ANO3: variants seen among roughly 807,000 people sequenced by gnomAD.
The protein encoded by ANO3 is anoctamin-3.
A neutral mutation model predicts 144.8 loss-of-function variants in ANO3; 99 were observed. That is an observed-to-expected ratio of 0.68 (90% CI 0.58 to 0.81). The LOEUF (loss-of-function observed/expected upper bound fraction) is 0.81, where lower values mean the gene tolerates loss of function less well. Ranked by LOEUF, ANO3 falls within the 30% of genes least tolerant of loss-of-function variation. The pLI is 0.00. For synonymous variants in ANO3, 414 were observed against 392.6 expected, an observed-to-expected ratio of 1.05 and a Z score of -0.64; for missense variants, 905 against 1,202.2, an observed-to-expected ratio of 0.75 and a Z score of 3.66.
chr11:26,557,055 A>C (rs189432786), intron 13 of ANO3, among the ~76,000 whole-genome samples: 3 of 152,128 alleles, frequency 2.0e-5, no homozygotes, highest in East Asian at 3.9e-4. Flanking sequence ...TTGTAGTCAC[A>C]CTCAGTTCTT....
At chr11:26,628,035 A>T (rs1427042546) in intron 18 of ANO3, among the ~76,000 whole-genome samples, 1 of 152,172 alleles carries the variant, frequency 6.6e-6, no homozygotes, top group Non-Finnish European at 1.5e-5. Flanking sequence ...AGCAAAAGAG[A>T]TAAAGCTTAA....
intron 1 of ANO3, among the ~76,000 whole-genome samples, chr11:26,199,809 A>C (rs910343970): frequency 2.2e-4 from 33 of 152,108 alleles, no homozygotes; most frequent in African/African-American, 8.0e-4. Flanking sequence ...TTCCTTATGG[A>C]AACAGTGGCC....
At chr11:26,470,785 A>G (rs968165837) in intron 4 of ANO3, among the ~76,000 whole-genome samples, 4 of 152,004 alleles carry the variant, frequency 2.6e-5, no homozygotes, top group African/African-American at 9.7e-5. Flanking sequence ...CAAAGGACAT[A>G]AAACTTAAGT....
intron 1 of ANO3, among the ~76,000 whole-genome samples, chr11:26,429,996 G>A (rs1005024342): frequency 4.6e-5 from 7 of 152,092 alleles, no homozygotes; most frequent in Admixed American, 6.5e-5. Flanking sequence ...TCAGCCCTTC[G>A]GGAGGCCAAA....
chr11:26,268,923 A>T (rs547608287), intron 1 of ANO3, among the ~76,000 whole-genome samples: 98 of 152,300 alleles, frequency 6.4e-4, no homozygotes, highest in Non-Finnish European at 9.7e-4. Context: ...AAGGAAAAAA[A>T]AATCACTCCA....
chr11:26,418,125 G>T lies in ANO3; in HGVS notation c.47-23793G>T, dbSNP rs866074153. ...AAATTTTCAGCCTTTGGCACAGCATGGAGAAACCCACAAGTAAGAACAGCA... is the reference window on the plus strand; with the variant it reads ...AAATTTTCAGCCTTTGGCACAGCATTGAGAAACCCACAAGTAAGAACAGCA... On this transcript the variant is annotated intron_variant, in intron 1 of 26. Transcript: ENST00000256737. 5.9e-5 allele frequency among the ~76,000 whole-genome samples: 9 copies of T among 152,170 alleles called. No individual in the cohort carries two copies. The South Asian group carries it at 1.7e-3, about 28-fold the overall frequency.
At chr11:26,400,566 T>C (rs1857121684) in intron 1 of ANO3, among the ~76,000 whole-genome samples, 3 of 152,148 alleles carry the variant, frequency 2.0e-5, no homozygotes, top group South Asian at 2.1e-4. Context: ...ATTAACATAA[T>C]GTATCTGTAT....
chr11:26,323,823 A>G (rs1385106022), intron 1 of ANO3, among the ~76,000 whole-genome samples: 2 of 151,994 alleles, frequency 1.3e-5, no homozygotes, highest in South Asian at 2.1e-4. Flanking sequence ...GTTTATTTAG[A>G]AAAAAAAGCT....
intron 1 of ANO3, among the ~76,000 whole-genome samples, chr11:26,204,687 C>T (rs1483913439): frequency 6.6e-6 from 1 of 152,054 alleles, no homozygotes; most frequent in Non-Finnish European, 1.5e-5. Flanking sequence ...GAGTTGTACA[C>T]TGAGAGAGGT....
chr11:26,413,399 T>G (rs1857485248), intron 1 of ANO3, among the ~76,000 whole-genome samples: 2 of 152,018 alleles, frequency 1.3e-5, no homozygotes, highest in Admixed American at 6.6e-5. Context: ...TGCCATGCAT[T>G]TTTTTGGACA....
intron 18 of ANO3, among the ~76,000 whole-genome samples, chr11:26,625,447 G>A (rs1171485232): frequency 6.6e-6 from 1 of 152,094 alleles, no homozygotes; most frequent in Non-Finnish European, 1.5e-5. Flanking sequence ...CTCCTTCCAA[G>A]GTGGATATAT....
chr11:26,360,863 T>C (rs1468821633), intron 1 of ANO3, among the ~76,000 whole-genome samples: 1 of 152,204 alleles, frequency 6.6e-6, no homozygotes, highest in Non-Finnish European at 1.5e-5. Flanking sequence ...GTTTGGAGGA[T>C]AGATGGACAA....
At chr11:26,492,232 A>G (rs57460294) in intron 4 of ANO3, among the ~76,000 whole-genome samples, 1,679 of 152,326 alleles carry the variant, frequency 0.011, 23 homozygotes, top group Middle Eastern at 0.031. Flanking sequence ...GCTGAGCTCT[A>G]TGTTCTGTGC....
At chr11:26,450,200 T>C (rs1858874104) in intron 3 of ANO3, among the ~76,000 whole-genome samples, 2 of 152,214 alleles carry the variant, frequency 1.3e-5, no homozygotes, top group Non-Finnish European at 2.9e-5. Flanking sequence ...TTACTCATAT[T>C]GCTTGGTGCA....
intron 1 of ANO3, among the ~76,000 whole-genome samples, chr11:26,282,094 G>GT (rs553971542): frequency 4.8e-4 from 73 of 152,198 alleles, no homozygotes; most frequent in African/African-American, 1.7e-3. Context: ...AATAGAGCTT[G>GT]TTTTTCCTAA....
chr11:26,586,024 G>A (rs1851264926), intron 14 of ANO3, among the ~76,000 whole-genome samples: 1 of 152,116 alleles, frequency 6.6e-6, no homozygotes, highest in Admixed American at 6.6e-5. Flanking sequence ...TATAGTTTTT[G>A]TATTGAGGTT....
At chr11:26,446,589 G>A (rs1460666169) in intron 3 of ANO3, among the ~76,000 whole-genome samples, 1 of 152,104 alleles carries the variant, frequency 6.6e-6, no homozygotes, top group East Asian at 1.9e-4. Flanking sequence ...AACAGGATGG[G>A]TACATATCAT....
chr11:26,297,810 A>ATTGCCGTTGT (rs1446444040), intron 1 of ANO3, among the ~76,000 whole-genome samples: 1 of 152,210 alleles, frequency 6.6e-6, no homozygotes, highest in Non-Finnish European at 1.5e-5. Flanking sequence ...TGAGGCAGTC[A>ATTGCCGTTGT]TTATTCATGC....
intron 3 of ANO3, among the ~76,000 whole-genome samples, chr11:26,445,824 A>T (rs1352542121): frequency 6.6e-6 from 1 of 151,330 alleles, no homozygotes; most frequent in Non-Finnish European, 1.5e-5. Context: ...TTATTATTTT[A>T]TTTTATTATT....
Sources: gnomAD v4.1 joint callset for allele counts (sites outside exome capture counted in the v4.1 genomes callset) on GRCh38, gnomAD v4.1.1 for gene constraint, MANE v1.5 for transcripts, NCBI Gene and HGNC (gene_info 2026-07-23, HGNC 2026-07-21) for gene names.